ORC3: variants seen among roughly 807,000 people sequenced by gnomAD.
ORC3 encodes origin recognition complex subunit 3.
ORC3 carries 78 observed loss-of-function variants against 100.7 expected under a neutral mutation model. The observed-to-expected ratio is 0.77, with a 90% confidence interval of 0.65 to 0.94. The LOEUF (loss-of-function observed/expected upper bound fraction) is 0.94, where lower values mean the gene tolerates loss of function less well. Among genes scored for constraint, ORC3 ranks in the 40% least tolerant of loss-of-function variants. ORC3 has a pLI of 0.00. For missense variants in ORC3, 789 were observed against 823.9 expected (o/e 0.96, Z 0.52); for synonymous variants, 295 against 289.3 (o/e 1.02, Z -0.20).
intron 9 of ORC3, among the ~76,000 whole-genome samples, chr6:87,620,310 A>G (rs899733085): frequency 3.2e-4 from 49 of 152,238 alleles, no homozygotes; most frequent in African/African-American, 1.0e-3. Flanking sequence ...AATATGTGCA[A>G]AAGTAATTTA....
At chr6:87,677,720 T>C in the ORC3 span, 1 of 1,386,254 alleles carries the variant, frequency 7.2e-7, no homozygotes, top group Non-Finnish European at 9.9e-7. Flanking sequence ...TCAGAGAATA[T>C]ACCGCACCAG....
chr6:87,642,642 C>T (rs1253082080), intron 13 of ORC3, among the ~76,000 whole-genome samples: 1 of 151,920 alleles, frequency 6.6e-6, no homozygotes, highest in Admixed American at 6.6e-5. Flanking sequence ...GTGGCTCACG[C>T]CTGTAATCCC....
At chr6:87,656,023 T>A (rs533419613) in intron 14 of ORC3, among the ~76,000 whole-genome samples, 1 of 152,274 alleles carries the variant, frequency 6.6e-6, no homozygotes, top group South Asian at 2.1e-4. Context: ...ACCATGTGTG[T>A]GGGGTTCACA....
intron 13 of ORC3, among the ~76,000 whole-genome samples, chr6:87,639,581 C>A (rs1042627239): frequency 1.3e-5 from 2 of 152,132 alleles, no homozygotes; most frequent in Non-Finnish European, 2.9e-5. Context: ...CCTCCCAGGC[C>A]TGACCCAGCC....
chr6:87,613,121 A>G (rs1778900022), intron 8 of ORC3, among the ~76,000 whole-genome samples: 1 of 152,186 alleles, frequency 6.6e-6, no homozygotes, highest in South Asian at 2.1e-4. Context: ...CACACCTGAG[A>G]CTGGGCAATT....
At chr6:87,672,150 A>G (rs1398565019), downstream of ORC3, among the ~76,000 whole-genome samples, 4 of 152,196 alleles carry the variant, frequency 2.6e-5, 1 homozygote, top group Non-Finnish European at 5.9e-5. Context: ...TAAATTAGGG[A>G]AGTATTTTAA....
At chr6:87,659,555 G>A (rs2128293756) in intron 16 of ORC3, among the ~76,000 whole-genome samples, 1 of 152,090 alleles carries the variant, frequency 6.6e-6, no homozygotes, top group South Asian at 2.1e-4. Context: ...TAGTCATTGG[G>A]GAGAAATTGC....
intron 13 of ORC3, among the ~76,000 whole-genome samples, chr6:87,650,061 C>T (rs1352107261): frequency 2.8e-4 from 34 of 122,630 alleles, no homozygotes; most frequent in African/African-American, 7.5e-4. Context: ...TTTACACTCT[C>T]TTTTTTTTTT....
chr6:87,677,655 G>A, the ORC3 span, among the ~76,000 whole-genome samples: 2 of 152,118 alleles, frequency 1.3e-5, no homozygotes, highest in South Asian at 2.1e-4. Flanking sequence ...TTACCAAGGC[G>A]GGCATGAGCT....
chr6:87,603,870 A>T (rs1454823342), intron 4 of ORC3, among the ~76,000 whole-genome samples: 3 of 152,208 alleles, frequency 2.0e-5, no homozygotes, highest in Non-Finnish European at 4.4e-5. Context: ...TACCAGTGTT[A>T]GTAGATTTGG....
intron 13 of ORC3, among the ~76,000 whole-genome samples, chr6:87,645,139 A>G (rs1768658956): frequency 6.6e-6 from 1 of 152,114 alleles, no homozygotes; most frequent in Admixed American, 6.5e-5. Flanking sequence ...TAAATGCTTC[A>G]TTTTTGAAAC....
chr6:87,598,843 T>C (rs1284980774), intron 2 of ORC3, among the ~76,000 whole-genome samples: 1 of 152,214 alleles, frequency 6.6e-6, no homozygotes, highest in African/African-American at 2.4e-5. Flanking sequence ...AGTAGGAAGA[T>C]GCTCTGCATT....
intron 11 of ORC3, among the ~76,000 whole-genome samples, chr6:87,623,644 G>A (rs1387544377): frequency 6.6e-6 from 1 of 152,264 alleles, no homozygotes; most frequent in East Asian, 1.9e-4. Context: ...AGCACTCTAT[G>A]AGGCCTGGGT....
chr6:87,669,699 T>C (rs545295142), downstream of ORC3, among the ~76,000 whole-genome samples: 1 of 152,368 alleles, frequency 6.6e-6, no homozygotes, highest in African/African-American at 2.4e-5. Context: ...AATATTCTAG[T>C]CATTCTTCTT....
downstream of ORC3, among the ~76,000 whole-genome samples, chr6:87,669,198 A>C (rs1001099131): frequency 1.3e-5 from 2 of 152,208 alleles, no homozygotes; most frequent in Non-Finnish European, 2.9e-5. Flanking sequence ...ATATATCTCA[A>C]AAAATGTCAA....
intron 12 of ORC3, among the ~76,000 whole-genome samples, chr6:87,636,141 C>A (rs566032812): frequency 1.3e-5 from 2 of 151,930 alleles, no homozygotes; most frequent in East Asian, 3.9e-4. Context: ...ACCGTGTTAA[C>A]CAGGATGGTC....
At chr6:87,619,166 C>T (rs527239779) in intron 9 of ORC3, among the ~76,000 whole-genome samples, 5 of 151,876 alleles carry the variant, frequency 3.3e-5, no homozygotes, top group South Asian at 2.1e-4. Flanking sequence ...CAAGGAGAAC[C>T]GGTAGAAAGT....
intron 11 of ORC3, among the ~76,000 whole-genome samples, chr6:87,627,155 A>G (rs1349103062): frequency 1.3e-5 from 2 of 151,042 alleles, no homozygotes; most frequent in African/African-American, 4.9e-5. Flanking sequence ...CTACCACCAC[A>G]CCCGGCTAAT....
intron 13 of ORC3, among the ~76,000 whole-genome samples, chr6:87,642,943 T>A (rs1583121765): frequency 6.6e-6 from 1 of 150,994 alleles, no homozygotes; most frequent in African/African-American, 2.4e-5. Flanking sequence ...AAATGAAAAA[T>A]AAAAATAGAA....
Sources: allele counts gnomAD v4.1 joint callset (sites outside exome capture counted in the v4.1 genomes callset), GRCh38; gene constraint gnomAD v4.1.1; transcripts MANE v1.5; gene names NCBI Gene and HGNC (gene_info 2026-07-23, HGNC 2026-07-21).